The following TMEM201 variants were observed in gnomAD, a reference collection of about 807,000 sequenced individuals.
The protein encoded by TMEM201 is transmembrane protein 201.
A neutral mutation model predicts 63.4 loss-of-function variants in TMEM201; 26 were observed. The ratio of observed to expected loss-of-function variants is 0.41; its 90% CI spans 0.30 to 0.57. TMEM201 has a LOEUF of 0.57. TMEM201 is among the 20% of genes least tolerant of loss of function. The pLI, the probability that TMEM201 is intolerant of heterozygous loss-of-function variation, is 0.29. For synonymous variants in TMEM201, 417 were observed against 421.6 expected (o/e 0.99, Z 0.14); for missense variants, 794 against 917.7 (o/e 0.87, Z 1.74).
At position 9,607,956 on chromosome 1, in the gene TMEM201, G is replaced by A. The variant is rs1422386944; in HGVS notation, c.1393+167G>A. ...AGTTCCCCCCAAAGAAATGGGGCTA[G>A]CTAGGAATAGGTGGCTCATGCCTTT... On this transcript the variant is annotated intron_variant, in intron 7 of 10. Transcript: ENST00000340381. This position sits in a 1 kb window ranked among gnomAD's most constrained non-coding sequence, Gnocchi z 5.4. Among the ~76,000 whole-genome samples the A allele has an allele frequency of 6.6e-6, 1 of 152,232 alleles. No individual in the cohort carries two copies. The highest frequency in any genetic ancestry group is 1.5e-5 in the Non-Finnish European group (1 of 68,036).
chr1:9,601,005 A>C, intron 4 of TMEM201, 100 bp from the exon 5 acceptor site: 2 of 1,064,620 alleles, frequency 1.9e-6, no homozygotes, highest in Non-Finnish European at 2.7e-6. Flanking sequence ...GATGTGTGAG[A>C]ACATGGGTCT....
In TMEM201 at chr1:9,602,117, G is replaced by A; in HGVS notation, c.1005G>A (p.Leu335=). 1 of 1,613,084 alleles carries A rather than the reference G, an allele frequency of 6.2e-7. No individual in the cohort carries two copies. The highest frequency in any genetic ancestry group is 1.7e-4 in the Middle Eastern group (1 of 6,052). ...GCACCTGCCTGTGGGCCCTGCTGCT[G>A]GGGCTGCACCTGGCTGAGCAGCACC... The part of the protein sequence containing the change: ...AFCTCLWALL[L]GLHLAEQHLQ... The change falls in exon 6 of 11, where the codon CTG becomes CTA. Residue 335 remains leucine (L), a synonymous_variant. Coordinates refer to ENST00000340381, the MANE Select transcript of TMEM201 (RefSeq NM_001130924.3).
Position 9,613,195 on chromosome 1 carries a change from C to G in TMEM201, c.*112C>G. On this transcript the variant is annotated 3_prime_UTR_variant, in exon 11 of 11. Transcript: ENST00000340381. ...CCACCTCTGCCCTCATCTCCAGGGCCTTGACCTCACTGGACTGTGACTGTC... is the reference window on the plus strand; with the variant it reads ...CCACCTCTGCCCTCATCTCCAGGGCGTTGACCTCACTGGACTGTGACTGTC... 1 of 970,986 alleles carries G rather than the reference C, an allele frequency of 1.0e-6. No individual in the cohort carries two copies. The highest frequency in any genetic ancestry group is 1.6e-6 in the Non-Finnish European group (1 of 640,074). 60.1% of individuals were successfully genotyped at this position (970,986 alleles called of 1,614,324 possible).
At chr1:9,602,018 A>G (rs779032761) in intron 5 of TMEM201, 51 bp from the exon 6 acceptor site, 2 of 1,580,074 alleles carry the variant, frequency 1.3e-6, no homozygotes, top group African/African-American at 2.7e-5. Context: ...GAAGGCGTGG[A>G]CCCAGGAGGT....
At position 9,603,016 on chromosome 1, in the gene TMEM201, A is replaced by G; in HGVS notation, c.1160+744A>G. 2 of 985,528 alleles carry G rather than the reference A, an allele frequency of 2.0e-6. No homozygotes were observed. Among genetic ancestry groups the G allele is most frequent in the Non-Finnish European group, 2.4e-6 (2 of 830,004 alleles). 61.0% of individuals were successfully genotyped at this position (985,528 alleles called of 1,614,324 possible). A position where few individuals can be genotyped will look rare whatever the true frequency, so the allele number is the denominator to read the frequency against. ...TGGGGAGCGAGACCCCACCTGAGAC[A>G]GGCAGTAGGAGCCTGTGCTGACCTT... On this transcript the variant is annotated intron_variant, in intron 6 of 10. Coordinates refer to ENST00000340381, the MANE Select transcript of TMEM201 (RefSeq NM_001130924.3). The surrounding 1 kb of genome is among the most constrained non-coding windows in gnomAD (Gnocchi z 4.5).
At chr1:9,609,755 G>T in intron 7 of TMEM201, 85 bp from the exon 8 acceptor site, 1 of 1,326,330 alleles carries the variant, frequency 7.5e-7, no homozygotes, top group Middle Eastern at 1.8e-4. Flanking sequence ...GCAAAGGCTG[G>T]ATTGGGATTT....
At position 9,605,830 on chromosome 1, in the gene TMEM201, C is replaced by G. The variant is rs1169122893; in HGVS notation, c.1161-1727C>G. ...CCCAGCCACTCCTGCTAGAGCCCAC[C>G]CTTTGGGGCCAGGAGCTGCGTGGCC... is the stretch of plus-strand genomic sequence containing the variant. On this transcript the variant is annotated intron_variant, in intron 6 of 10. Coordinates refer to ENST00000340381, the MANE Select transcript of TMEM201 (RefSeq NM_001130924.3). The surrounding 1 kb of genome is among the most constrained non-coding windows in gnomAD (Gnocchi z 5.7). Among the ~76,000 whole-genome samples, 3 of 152,212 alleles carry G rather than the reference C, an allele frequency of 2.0e-5. No individual in the cohort carries two copies. Among genetic ancestry groups the G allele is most frequent in the Non-Finnish European group, 2.9e-5 (2 of 68,024 alleles).
intron 10 of TMEM201, among the ~76,000 whole-genome samples, 190 bp downstream of exon 10, chr1:9,612,080 C>T (rs925905730): frequency 1.3e-5 from 2 of 152,226 alleles, no homozygotes; most frequent in Non-Finnish European, 2.9e-5. Flanking sequence ...CTCCCCCTCT[C>T]GGGATTTGGG....
chr1:9,593,710 T>C (rs1201070100), intron 1 of TMEM201, among the ~76,000 whole-genome samples: 2 of 152,206 alleles, frequency 1.3e-5, no homozygotes, highest in East Asian at 3.8e-4. Context: ...ATTGGTCCCC[T>C]AGGCAGGCTC....
At position 9,598,434 on chromosome 1, in the gene TMEM201, C is replaced by T. The variant is rs79894047; in HGVS notation, c.430-15C>T. 10 of 1,602,674 alleles carry T rather than the reference C, an allele frequency of 6.2e-6. 1 individual carries two copies. In the South Asian group the frequency reaches 9.9e-5, roughly 16 times the overall value. ...CACCCCTGCAGATGCCGAGCCTGTT[C>T]CCCCAACCCCACAGGGCAGGTATGA... On this transcript the variant is annotated splice_polypyrimidine_tract_variant and intron_variant, in intron 3 of 10. Transcript: ENST00000340381.
intron 2 of TMEM201, among the ~76,000 whole-genome samples, chr1:9,596,231 G>A (rs1322629962): frequency 2.6e-5 from 4 of 152,212 alleles, no homozygotes; most frequent in East Asian, 1.9e-4. Context: ...GGAGGAACCC[G>A]ACGCAGGGAG....
rs1218815900 is a variant in TMEM201, at chr1:9,603,110, G to A, written c.1160+838G>A. 3.0e-6 allele frequency: 3 copies of A among 985,388 alleles called. No homozygotes were observed. Among genetic ancestry groups the A allele is most frequent in the Non-Finnish European group, 3.6e-6 (3 of 830,016 alleles). The allele number at this position is 985,388 out of a possible 1,614,324, so 61.0% of individuals were successfully genotyped here. On this transcript the variant is annotated intron_variant, in intron 6 of 10. Coordinates refer to ENST00000340381, the MANE Select transcript of TMEM201 (RefSeq NM_001130924.3). The surrounding 1 kb of genome is among the most constrained non-coding windows in gnomAD (Gnocchi z 4.5). ...AGGCCTTCAGTGACATCAGGTCGTT[G>A]TCATCCTTTCCCTCCCTGACCTGTC...
rs566600384 is a variant in TMEM201 at position 9,610,574 on chromosome 1, G to T, written c.1534G>T (p.Gly512Cys). 1.1e-5 allele frequency: 17 copies of T among 1,549,900 alleles called. No individual in the cohort carries two copies. Among genetic ancestry groups the T allele is most frequent in the Admixed American group, 3.9e-5 (2 of 50,946 alleles). Residue 512 changes from glycine to cysteine, a missense_variant, in exon 9 of 11, where the codon GGC (glycine) becomes TGC (cysteine). Physicochemically the swap from Gly to Cys is radical, Grantham distance 159. Coordinates refer to ENST00000340381, the MANE Select transcript of TMEM201 (RefSeq NM_001130924.3). This position sits in a 1 kb window ranked among gnomAD's most constrained non-coding sequence, Gnocchi z 4.9. ...CCCTTCCCCAGCGCCTTCCGTGGCC[G>T]GCTCGGTGGCCTCCAGCTCCGGCTC... ...PLPSPAPSVA[G>C]SVASSSGSLR...
At chr1:9,597,883 G>A (rs918009893) in intron 3 of TMEM201, among the ~76,000 whole-genome samples, 13 of 152,228 alleles carry the variant, frequency 8.5e-5, no homozygotes, top group African/African-American at 2.7e-4. Context: ...AGGCCAAAAC[G>A]TTTGCTTCCT....
intron 2 of TMEM201, 38 bp downstream of exon 2, chr1:9,596,048 G>A: frequency 6.2e-7 from 1 of 1,602,544 alleles, no homozygotes; most frequent in Non-Finnish European, 8.5e-7. Flanking sequence ...GGGCACGCGG[G>A]GGTGGGGATC....
chr1:9,610,550 C>T lies in TMEM201; in HGVS notation c.1510C>T (p.Pro504Ser). The T allele has an allele frequency of 5.2e-6, 8 of 1,547,816 alleles. No homozygotes were observed. Among genetic ancestry groups the T allele is most frequent in the Non-Finnish European group, 7.0e-6 (8 of 1,144,866 alleles). The change falls in exon 9 of 11, where the codon CCT (proline) becomes TCT (serine). Residue 504 changes from proline to serine, a missense_variant. Pro to Ser is a moderately conservative substitution (Grantham distance 74). Transcript: ENST00000340381. This position sits in a 1 kb window ranked among gnomAD's most constrained non-coding sequence, Gnocchi z 4.9. ...LSGSCPSSPL[P>S]SPAPSVAGSV... ...GGGGAGCTGCCCCTCCTCCCCACTC[C>T]CTTCCCCAGCGCCTTCCGTGGCCGG...
In TMEM201 at chr1:9,601,236, G is replaced by A. The variant is rs1284732476; in HGVS notation, c.738G>A (p.Val246=). The change falls in exon 5 of 11, where the codon GTG becomes GTA. Residue 246 remains valine, a synonymous_variant. Transcript: ENST00000340381. The part of the protein sequence containing the change: ...ASGHFAPGTT[V]PLALPPGGNG... ...GACACTTCGCCCCAGGCACCACTGTGCCCCTGGCCCTGCCACCTGGTGGCA... is the reference window on the plus strand; with the variant it reads ...GACACTTCGCCCCAGGCACCACTGTACCCCTGGCCCTGCCACCTGGTGGCA... The A allele has an allele frequency of 6.2e-7, 1 of 1,611,558 alleles. No homozygotes were observed. Among genetic ancestry groups the A allele is most frequent in the Admixed American group, 1.7e-5 (1 of 59,990 alleles).
chr1:9,612,001 T>G, intron 10 of TMEM201, 111 bp downstream of exon 10: 1 of 1,307,632 alleles, frequency 7.6e-7, no homozygotes, highest in Non-Finnish European at 1.0e-6. Flanking sequence ...GACATTGCAG[T>G]CCCTGAGTGG....
In TMEM201 at chr1:9,596,850, C is replaced by T. The variant is rs1287880927; in HGVS notation, c.235-9C>T. On this transcript the variant is annotated splice_polypyrimidine_tract_variant and intron_variant, in intron 2 of 10. Transcript: ENST00000340381. Reference sequence around the variant, plus strand: ...CCTGCCTGCCTCGAGTCCCACCTCTCTCCCGCAGAACGGCGACTACAACAA... The same window carrying T: ...CCTGCCTGCCTCGAGTCCCACCTCTTTCCCGCAGAACGGCGACTACAACAA... The T allele has an allele frequency of 1.0e-5, 16 of 1,577,846 alleles. No individual in the cohort carries two copies. Among genetic ancestry groups the T allele is most frequent in the Non-Finnish European group, 1.2e-5 (14 of 1,154,042 alleles).
Sources: allele counts gnomAD v4.1 joint callset (sites outside exome capture counted in the v4.1 genomes callset), GRCh38; gene constraint gnomAD v4.1.1; non-coding constraint Gnocchi (gnomAD v3.1); transcripts MANE v1.5; gene names NCBI Gene and HGNC (gene_info 2026-07-23, HGNC 2026-07-21).